The following CHN1 variants were observed in gnomAD, a reference collection of about 807,000 sequenced individuals.
CHN1 encodes chimerin 1, also known as N-chimaerin.
A neutral mutation model predicts 59.5 loss-of-function variants in CHN1; 37 were observed. The observed-to-expected ratio is 0.62, with a 90% CI of 0.48 to 0.82. CHN1 has a LOEUF of 0.82. Among genes scored for constraint, CHN1 ranks in the 40% least tolerant of loss-of-function variants. CHN1 has a pLI of 0.00. For synonymous variants in CHN1, 206 were observed against 200.4 expected, an observed-to-expected ratio of 1.03 and a Z score of -0.24; for missense variants, 469 against 571.0, an observed-to-expected ratio of 0.82 and a Z score of 1.82.
chr2:175,000,349 C>A (rs1348170364), intron 1 of CHN1, among the ~76,000 whole-genome samples: 1 of 151,668 alleles, frequency 6.6e-6, no homozygotes, highest in African/African-American at 2.4e-5. Flanking sequence ...GCTATGTTAA[C>A]CATGGTCTTG....
intron 6 of CHN1, among the ~76,000 whole-genome samples, chr2:174,850,164 T>C (rs1480733640): frequency 1.3e-5 from 2 of 152,214 alleles, no homozygotes; most frequent in East Asian, 3.8e-4. Flanking sequence ...CTTGTGAACC[T>C]CACAGTCTTT....
At chr2:174,939,334 T>A (rs7571535) in intron 3 of CHN1, among the ~76,000 whole-genome samples, 6,385 of 152,200 alleles carry the variant, frequency 0.042, 473 homozygotes, top group African/African-American at 0.15. Flanking sequence ...TGAATTTTTT[T>A]AAAACAATTT....
intron 7 of CHN1, among the ~76,000 whole-genome samples, chr2:174,826,097 T>G (rs1267744497): frequency 6.6e-6 from 1 of 152,184 alleles, no homozygotes; most frequent in Non-Finnish European, 1.5e-5. Context: ...CAACTGAGTC[T>G]GAGTACAAAA....
intron 1 of CHN1, among the ~76,000 whole-genome samples, chr2:174,965,461 A>G (rs929635609): frequency 1.3e-5 from 2 of 152,124 alleles, no homozygotes; most frequent in African/African-American, 4.8e-5. Context: ...TTATTTTTTT[A>G]GGGCCAAACC....
At chr2:174,838,812 CA>C (rs368484387) in intron 7 of CHN1, among the ~76,000 whole-genome samples, 15 of 152,002 alleles carry the variant, frequency 9.9e-5, no homozygotes, top group African/African-American at 3.6e-4. Context: ...GTCAGGAGTT[CA>C]AGACCAGCCT....
At position 174,936,317 on chromosome 2, in the gene CHN1, T is replaced by C. The variant is rs1245813015; in HGVS notation, c.114+8571A>G. ...AGCAGGGGGAAAAGTGCGTCCACTT[T>C]GAGGGTCCATGTTTAATAATGGTCC... On this transcript the variant is annotated intron_variant, in intron 3 of 12. Coordinates refer to ENST00000409900, the MANE Select transcript of CHN1 (RefSeq NM_001822.7). Among the ~76,000 whole-genome samples the C allele has an allele frequency of 2.6e-5, 4 of 152,292 alleles. No individual in the cohort carries two copies. The East Asian group carries it at 7.7e-4, about 29-fold the overall frequency.
intron 6 of CHN1, among the ~76,000 whole-genome samples, chr2:174,867,378 C>CAA (rs371650645): frequency 5.1e-5 from 6 of 117,010 alleles, no homozygotes; most frequent in Admixed American, 9.0e-5. Flanking sequence ...GACTCTGTCT[C>CAA]AAAAAAAAAA....
intron 4 of CHN1, among the ~76,000 whole-genome samples, chr2:174,917,192 G>A (rs1197212861): frequency 6.6e-6 from 1 of 152,120 alleles, no homozygotes; most frequent in African/African-American, 2.4e-5. Flanking sequence ...CAACACTTTG[G>A]GAAGCTGAGA....
chr2:174,843,712 A>AC (rs1230818547), intron 7 of CHN1, among the ~76,000 whole-genome samples: 4 of 151,474 alleles, frequency 2.6e-5, no homozygotes, highest in Non-Finnish European at 5.9e-5. Context: ...AAAAAAAAAA[A>AC]CCCACTTAGG....
At chr2:174,928,463 T>G (rs1689238476) in intron 3 of CHN1, among the ~76,000 whole-genome samples, 1 of 152,220 alleles carries the variant, frequency 6.6e-6, no homozygotes, top group Non-Finnish European at 1.5e-5. Context: ...AAAGTTTAAT[T>G]GTAAGCATTA....
At chr2:174,872,297 T>C (rs1687434238) in intron 6 of CHN1, among the ~76,000 whole-genome samples, 2 of 152,206 alleles carry the variant, frequency 1.3e-5, no homozygotes, top group Non-Finnish European at 2.9e-5. Context: ...CAAAAAAGGA[T>C]CCAACATAAC....
chr2:174,867,928 T>C (rs1687276729), intron 6 of CHN1, among the ~76,000 whole-genome samples: 1 of 152,162 alleles, frequency 6.6e-6, no homozygotes. Flanking sequence ...TTTTATTATT[T>C]GTGTAAGCAA....
At chr2:174,944,832 G>T in intron 3 of CHN1, 56 bp downstream of exon 3, 1 of 1,288,334 alleles carries the variant, frequency 7.8e-7, no homozygotes, top group Non-Finnish European at 1.1e-6. Context: ...GAAGGTGAAA[G>T]TTTGGGAAAC....
intron 7 of CHN1, chr2:174,846,280 T>C: frequency 6.5e-7 from 1 of 1,534,298 alleles, no homozygotes; most frequent in Non-Finnish European, 8.8e-7. Flanking sequence ...ATAAACCACA[T>C]TAACACAATA....
chr2:174,991,306 A>G (rs995062069), intron 1 of CHN1, among the ~76,000 whole-genome samples: 3 of 152,234 alleles, frequency 2.0e-5, no homozygotes, highest in Non-Finnish European at 4.4e-5. Context: ...TCAGAGCAGA[A>G]GAACCCATCA....
intron 3 of CHN1, among the ~76,000 whole-genome samples, chr2:174,939,078 A>G (rs1305149811): frequency 6.6e-6 from 1 of 152,180 alleles, no homozygotes; most frequent in East Asian, 1.9e-4. Context: ...GCTTTTAACC[A>G]AAGGAGAGAA....
chr2:174,833,141 C>G (rs186502667), intron 7 of CHN1, among the ~76,000 whole-genome samples: 68 of 152,154 alleles, frequency 4.5e-4, no homozygotes, highest in African/African-American at 1.6e-3. Context: ...TCAGTTAGGT[C>G]AAATTGGTTG....
chr2:174,899,343 C>G (rs1404028496), intron 5 of CHN1, among the ~76,000 whole-genome samples: 1 of 152,154 alleles, frequency 6.6e-6, no homozygotes, highest in Non-Finnish European at 1.5e-5. Flanking sequence ...ACACTTACAT[C>G]CTGTGAATAT....
rs1027929336 is a variant in CHN1 at position 175,005,190 on chromosome 2, G to A, written c.-278C>T. 4 of 1,246,854 alleles carry A rather than the reference G, an allele frequency of 3.2e-6. No individual in the cohort carries two copies. Among genetic ancestry groups the A allele is most frequent in the East Asian group, 7.5e-5 (2 of 26,606 alleles). The allele number at this position is 1,246,854 out of a possible 1,614,324, so 77.2% of individuals were successfully genotyped here. A position where few individuals can be genotyped will look rare whatever the true frequency, so the allele number is the denominator to read the frequency against. Reference sequence around the variant, plus strand: ...CGCTGCCATCAGGCGCGGAGCGTGCGCGCGGGAGGAGGTACCTGCGAGGCA... The same window carrying A: ...CGCTGCCATCAGGCGCGGAGCGTGCACGCGGGAGGAGGTACCTGCGAGGCA... On this transcript the variant is annotated 5_prime_UTR_variant, in exon 1 of 13. Transcript: ENST00000409900.
Sources: allele counts gnomAD v4.1 joint callset (sites outside exome capture counted in the v4.1 genomes callset), GRCh38; gene constraint gnomAD v4.1.1; transcripts MANE v1.5; gene names NCBI Gene and HGNC (gene_info 2026-07-23, HGNC 2026-07-21).